Variants in AP3D1 observed in about 807,000 individuals in gnomAD.
AP3D1 encodes the protein adaptor related protein complex 3 subunit delta 1.
AP3D1 carries 51 observed loss-of-function variants against 147.6 expected under a neutral mutation model. The ratio of observed to expected loss-of-function variants is 0.35; its 90% CI spans 0.28 to 0.44. The LOEUF is 0.44. Ranked by LOEUF, AP3D1 falls within the 20% of genes least tolerant of loss-of-function variation. The probability of loss-of-function intolerance (pLI) is 1.00; values close to 1 mark genes in which losing one functional copy is unlikely to be tolerated. For synonymous variants in AP3D1, 760 were observed against 663.0 expected (o/e 1.15, Z -2.25); for missense variants, 1,421 against 1,624.2 (o/e 0.87, Z 2.15).
intron 24 of AP3D1, 176 bp downstream of exon 24, chr19:2,112,684 A>T (rs2018317955): frequency 1.8e-6 from 1 of 561,198 alleles, no homozygotes; most frequent in Non-Finnish European, 3.1e-6. Context: ...GTGAATAAGA[A>T]GGTTATTAAA....
intron 25 of AP3D1, 54 bp downstream of exon 25, chr19:2,111,625 G>T (rs78496920): frequency 6.5e-7 from 1 of 1,529,878 alleles, no homozygotes; most frequent in Non-Finnish European, 8.8e-7. Flanking sequence ...GGGGAGCAGC[G>T]CACAGCCCGC....
chr19:2,120,267 A>C (rs1322411975), intron 14 of AP3D1, among the ~76,000 whole-genome samples: 1 of 152,232 alleles, frequency 6.6e-6, no homozygotes, highest in Non-Finnish European at 1.5e-5. Flanking sequence ...GAGCCTGCCC[A>C]GCAGTGGCTG....
At chr19:2,152,319 G>C (rs1307725237), upstream of AP3D1, among the ~76,000 whole-genome samples, 1 of 150,950 alleles carries the variant, frequency 6.6e-6, no homozygotes, top group African/African-American at 2.4e-5. Flanking sequence ...TAAGCGGGAA[G>C]ATCACTTGAG....
At chr19:2,110,944 G>A in intron 26 of AP3D1, 48 bp from the exon 27 acceptor site, 1 of 1,581,408 alleles carries the variant, frequency 6.3e-7, no homozygotes, top group Non-Finnish European at 8.6e-7. Flanking sequence ...CCGCCACAGG[G>A]AACAGGCACA....
intron 17 of AP3D1, 45 bp from the exon 18 acceptor site, chr19:2,116,323 T>A: frequency 6.3e-7 from 1 of 1,586,012 alleles, no homozygotes; most frequent in African/African-American, 1.3e-5. Flanking sequence ...GCGGGCAGGA[T>A]ACCCCTCTGT....
rs1056777703 is a variant in AP3D1, at chr19:2,121,742, A to G, written c.1093T>C (p.Tyr365His). Residue 365 changes from tyrosine (Y) to histidine (H), a missense_variant, in exon 12 of 32, where the codon TAT (tyrosine) becomes CAT (histidine). Tyr to His is a moderately conservative substitution (Grantham distance 83). Around this residue, in one of 6 missense-constraint regions of AP3D1, gnomAD observed 310 missense variants for 388.1 expected, o/e 0.80. Coordinates refer to ENST00000643116, the MANE Select transcript of AP3D1 (RefSeq NM_001261826.3). ...SIRLRALDLLYGMVSKKNLME... is the reference protein window; with the variant it reads ...SIRLRALDLLHGMVSKKNLME... Reference sequence around the variant, plus strand: ...GGACAGAGGGCACGCACCATCCCATAGAGCAGGTCCAGGGCCCGCAGCCGG... The same window carrying G: ...GGACAGAGGGCACGCACCATCCCATGGAGCAGGTCCAGGGCCCGCAGCCGG... The G allele has an allele frequency of 6.2e-7, 1 of 1,601,254 alleles. No individual in the cohort carries two copies. The highest frequency in any genetic ancestry group is 1.1e-5 in the South Asian group (1 of 89,504).
chr19:2,115,708 A>G, intron 18 of AP3D1, 95 bp from the exon 19 acceptor site: 1 of 1,319,328 alleles, frequency 7.6e-7, no homozygotes, highest in Non-Finnish European at 1.0e-6. Flanking sequence ...CGCAGCCCCA[A>G]CATCCTAAGG....
intron 1 of AP3D1, among the ~76,000 whole-genome samples, chr19:2,161,350 C>T (rs1222644221): frequency 2.6e-5 from 4 of 151,480 alleles, no homozygotes; most frequent in South Asian, 2.1e-4. Context: ...TTAGTAGAGA[C>T]GGGGTTTCAC....
At position 2,132,601 on chromosome 19, in the gene AP3D1, C is replaced by G. The variant is rs201099587; in HGVS notation, c.355-23G>C. Reference sequence around the variant, plus strand: ...GTCCTGGAAAGTGAGAGAAAGGGGCCGTGGCCAGGATGCCCTGGGTGGCAC... The same window carrying G: ...GTCCTGGAAAGTGAGAGAAAGGGGCGGTGGCCAGGATGCCCTGGGTGGCAC... On this transcript the variant is annotated intron_variant, in intron 4 of 31. Transcript: ENST00000643116. 4.4e-6 allele frequency: 7 copies of G among 1,588,844 alleles called. No individual in the cohort carries two copies. The African/African-American group carries it at 8.0e-5, about 18-fold the overall frequency.
At position 2,159,299 on chromosome 19, in the gene AP3D1, A is replaced by G. The variant is rs1052349044; in HGVS notation, c.-103+5057T>C. Among the ~76,000 whole-genome samples, 17 of 148,924 alleles carry G rather than the reference A, an allele frequency of 1.1e-4. 1 individual carries two copies. The highest frequency in any genetic ancestry group is 1.9e-4 in the Non-Finnish European group (13 of 67,196). On this transcript the variant is annotated intron_variant, in intron 1 of 14. Coordinates refer to the AP3D1 transcript ENST00000643010. ...AATGGCGCGATCTCAGCTCACTACA[A>G]CCTCCGCCTCCCAGGTTCAAGCGAT...
intron 24 of AP3D1, 57 bp from the exon 25 acceptor site, chr19:2,111,885 A>G: frequency 6.2e-7 from 1 of 1,607,478 alleles, no homozygotes. Flanking sequence ...CGCCCCCATC[A>G]CAGTGTGAGG....
At position 2,102,183 on chromosome 19, in the gene AP3D1, G is replaced by C. The variant is rs1251754710; in HGVS notation, c.3638C>G (p.Ala1213Gly). The change falls in exon 32 of 32, where the codon GCC becomes GGC. Residue 1213 changes from alanine to glycine, a missense_variant. Coordinates refer to ENST00000643116, the MANE Select transcript of AP3D1 (RefSeq NM_001261826.3). ...NLLEEMKATL[A>G]KC ...GCTCGCAGGCAGCTCTCAACACTTG[G>C]CCAGCGTCGCCTTCATCTCTTCTAA... 1 of 1,613,692 alleles carries C rather than the reference G, an allele frequency of 6.2e-7. No homozygotes were observed. Among genetic ancestry groups the C allele is most frequent in the African/African-American group, 1.3e-5 (1 of 75,056 alleles).
intron 21 of AP3D1, 98 bp from the exon 22 acceptor site, chr19:2,114,400 T>A (rs2018380741): frequency 2.0e-6 from 2 of 1,023,882 alleles, no homozygotes; most frequent in Non-Finnish European, 1.5e-6. Context: ...GTGCGGGACC[T>A]GCTCCTCCAG....
At chr19:2,127,314 G>T in intron 8 of AP3D1, 113 bp from the exon 9 acceptor site, 1 of 1,185,694 alleles carries the variant, frequency 8.4e-7, no homozygotes, top group Non-Finnish European at 1.2e-6. Context: ...CTCAGGGAGT[G>T]TGCCCCAGGA....
At chr19:2,112,009 G>A (rs1457087811) in intron 24 of AP3D1, 181 bp from the exon 25 acceptor site, 17 of 961,476 alleles carry the variant, frequency 1.8e-5, no homozygotes, top group East Asian at 1.3e-4. Context: ...CAGGCCCAGC[G>A]GAGGCTGGGG....
rs190020699 is a variant in AP3D1, at chr19:2,160,581, C to G, written c.-103+3775G>C. On this transcript the variant is annotated intron_variant, in intron 1 of 14. Transcript: ENST00000643010. ...AGATACAGGTTGCCACACCTGGAGT[C>G]CAGTCCATCCTCCACCAGCTCCCAG... Among the ~76,000 whole-genome samples the G allele has an allele frequency of 1.5e-3, 229 of 152,062 alleles. 1 individual carries two copies. Among genetic ancestry groups the G allele is most frequent in the Non-Finnish European group, 2.6e-3 (174 of 67,970 alleles).
intron 1 of AP3D1, among the ~76,000 whole-genome samples, chr19:2,162,129 G>A (rs35049177): frequency 0.29 from 42,281 of 145,928 alleles, 7,539 homozygotes; most frequent in Non-Finnish European, 0.41. Context: ...TCTGCCTCCC[G>A]GACTCAAGTG....
intron 1 of AP3D1, among the ~76,000 whole-genome samples, chr19:2,150,301 G>A (rs1316443602): frequency 1.3e-5 from 2 of 152,196 alleles, no homozygotes; most frequent in Non-Finnish European, 2.9e-5. Context: ...AGTCGCTCAA[G>A]TAGGACACTT....
At chr19:2,109,752 G>T in intron 29 of AP3D1, 121 bp downstream of exon 29, 2 of 945,710 alleles carry the variant, frequency 2.1e-6, no homozygotes, top group Non-Finnish European at 3.3e-6. Context: ...ACGAGCCAGC[G>T]CCTCCAAATC....
Sources: gnomAD v4.1 joint callset for allele counts (sites outside exome capture counted in the v4.1 genomes callset) on GRCh38, gnomAD v4.1.1 for gene constraint, gnomAD v4.1.1 regional missense constraint, MANE v1.5 for transcripts, NCBI Gene and HGNC (gene_info 2026-07-23, HGNC 2026-07-21) for gene names.